Variants in ANO5 observed in about 807,000 individuals in gnomAD.
ANO5 encodes anoctamin 5.
A neutral mutation model predicts 121.0 loss-of-function variants in ANO5; 109 were observed. The ratio of observed to expected loss-of-function variants is 0.90; its 90% CI spans 0.77 to 1.06. ANO5 has a LOEUF of 1.06. ANO5 is among the 50% of genes least tolerant of loss of function. The probability of loss-of-function intolerance (pLI) is 0.00; values close to 1 mark genes in which losing one functional copy is unlikely to be tolerated. For synonymous variants in ANO5, 406 were observed against 359.9 expected, an observed-to-expected ratio of 1.13 and a Z score of -1.45; for missense variants, 1,064 against 1,078.5, an observed-to-expected ratio of 0.99 and a Z score of 0.19.
intron 17 of ANO5, among the ~76,000 whole-genome samples, chr11:22,264,487 A>G (rs1854299065): frequency 6.6e-6 from 1 of 151,980 alleles, no homozygotes; most frequent in Non-Finnish European, 1.5e-5. Flanking sequence ...AAAAAAAAAC[A>G]AGCAAATTAA....
chr11:22,258,893 G>A (rs1290309046), intron 14 of ANO5, among the ~76,000 whole-genome samples: 2 of 152,120 alleles, frequency 1.3e-5, no homozygotes, highest in African/African-American at 2.4e-5. Context: ...CAGCACTTTG[G>A]GAGGCCAAGG....
At chr11:22,269,732 T>C (rs1854540009) in intron 17 of ANO5, among the ~76,000 whole-genome samples, 1 of 152,006 alleles carries the variant, frequency 6.6e-6, no homozygotes, top group Admixed American at 6.5e-5. Flanking sequence ...TCAATTGAGA[T>C]GATTTTATGT....
chr11:22,240,581 A>T (rs1257923907), intron 9 of ANO5, among the ~76,000 whole-genome samples: 1 of 152,118 alleles, frequency 6.6e-6, no homozygotes, highest in Non-Finnish European at 1.5e-5. Context: ...TTGATAAATC[A>T]TGCAAACTCT....
chr11:22,250,858 T>C lies in ANO5; in HGVS notation c.1119+12T>C. Reference sequence around the variant, plus strand: ...GTTTGGCTTCAAAGGTATGTATGCATTGTAACATGTTGAAAAGACTTGGAA... The same window carrying C: ...GTTTGGCTTCAAAGGTATGTATGCACTGTAACATGTTGAAAAGACTTGGAA... On this transcript the variant is annotated intron_variant, in intron 11 of 21. Coordinates refer to ENST00000324559, the MANE Select transcript of ANO5 (RefSeq NM_213599.3). 1.9e-6 allele frequency: 3 copies of C among 1,612,314 alleles called. No individual in the cohort carries two copies. Among genetic ancestry groups the C allele is most frequent in the Non-Finnish European group, 2.5e-6 (3 of 1,178,382 alleles).
chr11:22,279,763 T>TAATC lies in ANO5; in HGVS notation c.2742_*3dup, dbSNP rs1002442246. 2.5e-6 allele frequency: 4 copies of TAATC among 1,610,316 alleles called. No homozygotes were observed. In the African/African-American group the frequency reaches 4.0e-5, roughly 16 times the overall value. On this transcript the variant is annotated frameshift_variant and stop_retained_variant, in exon 22 of 22. Transcript: ENST00000324559. LOFTEE classifies it high-confidence loss of function. Reference sequence around the variant, plus strand: ...AGCACAGCTGGCTAAATCAACACTCTAATCAGTATAGTGAGGAAGCAGCAG... The same window carrying TAATC: ...AGCACAGCTGGCTAAATCAACACTCTAATCAATCAGTATAGTGAGGAAGCAGCAG...
chr11:22,279,366 ATTTG>A (rs113970150), intron 21 of ANO5, among the ~76,000 whole-genome samples, 174 bp from the exon 22 acceptor site: 2 of 151,986 alleles, frequency 1.3e-5, no homozygotes, highest in African/African-American at 4.8e-5. Context: ...GTATATATTT[ATTTG>A]TTTGATGTTG....
In ANO5 at chr11:22,270,302, C is replaced by T; in HGVS notation, c.1899-10C>T. 6.2e-7 allele frequency: 1 copy of T among 1,614,040 alleles called. No individual in the cohort carries two copies. The highest frequency in any genetic ancestry group is 8.5e-7 in the Non-Finnish European group (1 of 1,179,958). ...CTATTTCATATATTAACTTTTATCA[C>T]TTCCAACAGCTTGGCTTTGAATTGG... On this transcript the variant is annotated splice_polypyrimidine_tract_variant and intron_variant, in intron 17 of 21. Coordinates refer to ENST00000324559, the MANE Select transcript of ANO5 (RefSeq NM_213599.3).
At chr11:22,233,434 A>T (rs1464203286) in intron 7 of ANO5, among the ~76,000 whole-genome samples, 1 of 150,866 alleles carries the variant, frequency 6.6e-6, no homozygotes, top group Non-Finnish European at 1.5e-5. Context: ...TATCACCGTA[A>T]GCTTTCCCAG....
At chr11:22,271,934 T>C (rs543568191) in intron 18 of ANO5, among the ~76,000 whole-genome samples, 2 of 152,252 alleles carry the variant, frequency 1.3e-5, no homozygotes, top group Admixed American at 1.3e-4. Context: ...TTTTTTCACT[T>C]GATAAGACGG....
chr11:22,276,011 A>G (rs1854826064), intron 20 of ANO5, 83 bp from the exon 21 acceptor site: 1 of 938,594 alleles, frequency 1.1e-6, no homozygotes, highest in Non-Finnish European at 1.7e-6. Flanking sequence ...CTGTTAAGAG[A>G]AATAAGAAAT....
At chr11:22,230,838 G>T (rs1249309655) in intron 7 of ANO5, among the ~76,000 whole-genome samples, 2 of 151,894 alleles carry the variant, frequency 1.3e-5, no homozygotes, top group Admixed American at 6.6e-5. Context: ...CCATCACTAG[G>T]TTCTATCAGT....
At chr11:22,234,301 C>G (rs1242039161) in intron 7 of ANO5, among the ~76,000 whole-genome samples, 1 of 152,070 alleles carries the variant, frequency 6.6e-6, no homozygotes, top group Admixed American at 6.6e-5. Flanking sequence ...TAGGTTTCAT[C>G]TTTGACATTA....
rs556195459 is a variant in ANO5, at chr11:22,256,870, G to A, written c.1333-810G>A. Among the ~76,000 whole-genome samples, 11 of 152,144 alleles carry A rather than the reference G, an allele frequency of 7.2e-5. No homozygotes were observed. The East Asian group carries it at 7.7e-4, about 11-fold the overall frequency. On this transcript the variant is annotated intron_variant, in intron 13 of 21. Transcript: ENST00000324559. ...AATATGCATACAGATGCATGAACAC[G>A]CATACATTGGGTGCACACATGAACA...
At chr11:22,250,197 T>C in intron 9 of ANO5, 40 bp from the exon 10 acceptor site, 1 of 1,528,156 alleles carries the variant, frequency 6.5e-7, no homozygotes, top group Non-Finnish European at 9.0e-7. Context: ...GACTATAACA[T>C]TCTTCCATAT....
chr11:22,261,421 T>G (rs1854183620), intron 15 of ANO5: 1 of 152,478 alleles, frequency 6.6e-6, no homozygotes. Context: ...TCCCAGCACT[T>G]TAGGAGACAG....
intron 21 of ANO5, among the ~76,000 whole-genome samples, chr11:22,277,145 T>C (rs1854883266): frequency 6.6e-6 from 1 of 151,436 alleles, no homozygotes; most frequent in African/African-American, 2.4e-5. Context: ...TAGGTTGAGC[T>C]ATCAATTACT....
chr11:22,220,166 C>T (rs1001941404), intron 4 of ANO5, among the ~76,000 whole-genome samples: 3 of 151,932 alleles, frequency 2.0e-5, no homozygotes, highest in African/African-American at 7.2e-5. Flanking sequence ...AATAGAAACA[C>T]TAGTTGTGAA....
intron 9 of ANO5, among the ~76,000 whole-genome samples, chr11:22,247,790 A>G (rs1302116498): frequency 3.3e-5 from 5 of 152,060 alleles, no homozygotes; most frequent in Non-Finnish European, 5.9e-5. Flanking sequence ...TAAGATTGAG[A>G]AAAATGGGCT....
rs746137951 is a variant in ANO5, at chr11:22,221,144, G to C, written c.228G>C (p.Gly76=). Reference sequence around the variant, plus strand: ...AAGATTCTATCTTCTTCCGAGATGGGATTAGGCAAATTGATTTTGTGCTTT... The same window carrying C: ...AAGATTCTATCTTCTTCCGAGATGGCATTAGGCAAATTGATTTTGTGCTTT... ...QSKDSIFFRD[G]IRQIDFVLSY... is the part of the protein sequence containing the mutation. Residue 76 remains glycine, a synonymous_variant, in exon 5 of 22, where the codon GGG becomes GGC. Transcript: ENST00000324559. 2 of 1,611,976 alleles carry C rather than the reference G, an allele frequency of 1.2e-6. No homozygotes were observed. The highest frequency in any genetic ancestry group is 1.7e-6 in the Non-Finnish European group (2 of 1,178,728).
Sources: gnomAD v4.1 joint callset for allele counts (sites outside exome capture counted in the v4.1 genomes callset) on GRCh38, gnomAD v4.1.1 for gene constraint, MANE v1.5 for transcripts, NCBI Gene and HGNC (gene_info 2026-07-23, HGNC 2026-07-21) for gene names.